Variants in GABRA3 observed in about 807,000 individuals in gnomAD.
GABRA3 encodes the protein gamma-aminobutyric acid receptor subunit alpha-3.
In GABRA3, 10 loss-of-function variants were observed where a neutral mutation model predicts 30.1. That is an observed-to-expected ratio of 0.33 (90% CI 0.20 to 0.56). GABRA3 has a LOEUF of 0.56. GABRA3 is among the 20% of genes least tolerant of loss of function. The probability of loss-of-function intolerance (pLI) is 0.89; values close to 1 mark genes in which losing one functional copy is unlikely to be tolerated. For synonymous variants in GABRA3, 151 were observed against 146.8 expected (o/e 1.03, Z -0.21); for missense variants, 233 against 392.0 (o/e 0.59, Z 3.42).
chrX:152,353,551 C>T (rs777854900), intron 2 of GABRA3, among the ~76,000 whole-genome samples: 2 of 111,745 alleles, frequency 1.8e-5, no homozygotes, highest in African/African-American at 6.5e-5. Flanking sequence ...TCTGGTTAAG[C>T]AGGTATTAAT....
intron 1 of GABRA3, among the ~76,000 whole-genome samples, chrX:152,400,912 C>T (rs1221791554): frequency 9.0e-6 from 1 of 111,389 alleles, no homozygotes; most frequent in Admixed American, 9.5e-5. Flanking sequence ...AAAACTCTGG[C>T]CAACAGCCAG....
intron 3 of GABRA3, among the ~76,000 whole-genome samples, chrX:152,314,871 A>AT (rs1406972796): frequency 8.9e-6 from 1 of 112,110 alleles, no homozygotes; most frequent in African/African-American, 3.2e-5. Context: ...TGAAGTAGAA[A>AT]TTTTTGGCCA....
chrX:152,405,927 A>T (rs1343314714), intron 1 of GABRA3, among the ~76,000 whole-genome samples: 1 of 110,642 alleles, frequency 9.0e-6, no homozygotes, highest in Non-Finnish European at 1.9e-5. Context: ...TGTTCACATG[A>T]CCTCTCCCCT....
chrX:152,247,389 T>A (rs959135591), intron 5 of GABRA3, among the ~76,000 whole-genome samples: 1 of 111,257 alleles, frequency 9.0e-6, no homozygotes, highest in East Asian at 2.8e-4. Context: ...GCTTGTCGTG[T>A]CCACTTCAGA....
At chrX:152,269,118 C>T (rs191498085) in intron 4 of GABRA3, among the ~76,000 whole-genome samples, 1 of 111,619 alleles carries the variant, frequency 9.0e-6, no homozygotes. Context: ...AAGACTCCAA[C>T]AAAAAATTGT....
intron 4 of GABRA3, among the ~76,000 whole-genome samples, chrX:152,268,252 A>C (rs1469336114): frequency 2.7e-5 from 3 of 111,609 alleles, no homozygotes; most frequent in Non-Finnish European, 5.7e-5. Context: ...CCCCACCCAA[A>C]TCTCACCTTC....
At chrX:152,297,987 T>A (rs759352119) in intron 3 of GABRA3, among the ~76,000 whole-genome samples, 1 of 112,239 alleles carries the variant, frequency 8.9e-6, no homozygotes, top group East Asian at 2.8e-4. Flanking sequence ...CACAATATCC[T>A]TTCCACTGTA....
intron 2 of GABRA3, 141 bp downstream of exon 2, chrX:152,364,290 A>G: frequency 1.9e-6 from 1 of 531,389 alleles, no homozygotes. Context: ...TGAGCCTATG[A>G]CTTTTTTCTA....
intron 1 of GABRA3, among the ~76,000 whole-genome samples, chrX:152,441,166 T>A (rs1450128301): frequency 9.0e-6 from 1 of 111,398 alleles, no homozygotes; most frequent in Non-Finnish European, 1.9e-5. Flanking sequence ...GTGGTAGTGG[T>A]TACACAATCA....
At position 152,344,144 on chromosome X, in the gene GABRA3, G is replaced by A. The variant is rs1183252648; in HGVS notation, c.262+1437C>T. On this transcript the variant is annotated intron_variant, in intron 3 of 9. Coordinates refer to ENST00000370314, the MANE Select transcript of GABRA3 (RefSeq NM_000808.4). ...TTCTTGGAAAAATGACTAATTCCAAGGCTGGATTATGAAAGTACAAAATAA... is the reference window on the plus strand; with the variant it reads ...TTCTTGGAAAAATGACTAATTCCAAAGCTGGATTATGAAAGTACAAAATAA... Among the ~76,000 whole-genome samples the A allele has an allele frequency of 3.6e-5, 4 of 111,506 alleles. No homozygotes were observed. The East Asian group carries it at 1.1e-3, about 31-fold the overall frequency.
At chrX:152,183,351 G>A (rs770040364) in intron 9 of GABRA3, among the ~76,000 whole-genome samples, 1 of 110,460 alleles carries the variant, frequency 9.1e-6, no homozygotes, top group East Asian at 2.8e-4. Flanking sequence ...GCATACAATT[G>A]TTTATAGTAA....
chrX:152,436,038 G>A (rs924748617), intron 1 of GABRA3, among the ~76,000 whole-genome samples: 9 of 110,885 alleles, frequency 8.1e-5, no homozygotes, highest in Non-Finnish European at 1.3e-4. Flanking sequence ...ACAATAAAAC[G>A]TTATACCATC....
chrX:152,173,687 C>T (rs1937034259), intron 9 of GABRA3, among the ~76,000 whole-genome samples: 1 of 110,836 alleles, frequency 9.0e-6, no homozygotes, highest in African/African-American at 3.3e-5. Context: ...AACTCCTGAC[C>T]TCAGGTGTTT....
Position 152,306,058 on chromosome X carries a change from T to C in GABRA3, c.263-21323A>G, listed in dbSNP as rs760602758. Among the ~76,000 whole-genome samples the C allele has an allele frequency of 9.8e-5, 11 of 112,124 alleles. No homozygotes were observed. The South Asian group carries it at 4.1e-3, about 42-fold the overall frequency. The stretch of plus-strand genomic sequence containing the variant: ...AAAAAGCAATTCATGAAAGAAGGAA[T>C]CTGAATACTCAATGAACATAAGGTT... On this transcript the variant is annotated intron_variant, in intron 3 of 9. Transcript: ENST00000370314.
intron 1 of GABRA3, among the ~76,000 whole-genome samples, chrX:152,381,441 T>C (rs151054244): frequency 4.5e-5 from 5 of 112,109 alleles, no homozygotes; most frequent in Admixed American, 9.5e-5. Flanking sequence ...GAGTTCCTTA[T>C]GTATTTTGGA....
chrX:152,385,664 G>A (rs1022236519), intron 1 of GABRA3, among the ~76,000 whole-genome samples: 2 of 111,643 alleles, frequency 1.8e-5, no homozygotes, highest in Non-Finnish European at 3.8e-5. Flanking sequence ...TGAAGTCCTT[G>A]CCCATGCCTA....
intron 6 of GABRA3, among the ~76,000 whole-genome samples, chrX:152,216,918 T>C (rs969882086): frequency 5.4e-5 from 6 of 110,865 alleles, no homozygotes; most frequent in Admixed American, 9.6e-5. Context: ...AAACATCTAA[T>C]TGTACCCAAA....
chrX:152,236,507 C>T (rs1281571854), intron 5 of GABRA3, among the ~76,000 whole-genome samples: 2 of 93,233 alleles, frequency 2.1e-5, no homozygotes, highest in Non-Finnish European at 4.2e-5. Context: ...TGGGTATATA[C>T]CCAGTAATGG....
chrX:152,201,453 G>A (rs1019344118), intron 7 of GABRA3, among the ~76,000 whole-genome samples: 4 of 111,956 alleles, frequency 3.6e-5, no homozygotes, highest in Non-Finnish European at 5.6e-5. Context: ...AATGTTTTAC[G>A]TAACTGACTA....
Sources: allele counts gnomAD v4.1 joint callset (sites outside exome capture counted in the v4.1 genomes callset), GRCh38; gene constraint gnomAD v4.1.1; transcripts MANE v1.5; gene names NCBI Gene and HGNC (gene_info 2026-07-23, HGNC 2026-07-21).